Variants in PAK2 observed in about 807,000 individuals in gnomAD.
PAK2 encodes the protein serine/threonine-protein kinase PAK 2.
In PAK2, 21 loss-of-function variants were observed where a neutral mutation model predicts 65.9. The observed-to-expected ratio is 0.32, with a 90% CI of 0.23 to 0.46. The LOEUF (loss-of-function observed/expected upper bound fraction) is 0.46, where lower values mean the gene tolerates loss of function less well. PAK2 is among the 20% of genes least tolerant of loss of function. The probability of loss-of-function intolerance (pLI) is 1.00; values close to 1 mark genes in which losing one functional copy is unlikely to be tolerated. For synonymous variants in PAK2, 204 were observed against 219.7 expected (o/e 0.93, Z 0.63); for missense variants, 324 against 642.6 (o/e 0.50, Z 5.36).
At chr3:196,779,112 T>C (rs547389320) in intron 1 of PAK2, among the ~76,000 whole-genome samples, 32 of 152,326 alleles carry the variant, frequency 2.1e-4, no homozygotes, top group African/African-American at 7.7e-4. Context: ...AGGATTAAGC[T>C]GAAACTCCTA....
At chr3:196,805,407 G>A (rs765912039) in intron 5 of PAK2, 24 bp downstream of exon 5, 1 of 1,167,044 alleles carries the variant, frequency 8.6e-7, no homozygotes, top group African/African-American at 1.6e-5. Context: ...ATTATTTCTT[G>A]TATCTCTTGT....
intron 1 of PAK2, among the ~76,000 whole-genome samples, chr3:196,742,929 G>A (rs990468783): frequency 1.3e-5 from 2 of 151,800 alleles, no homozygotes; most frequent in African/African-American, 2.4e-5. Context: ...CATTAAAAAA[G>A]AAAAAGAAAA....
At position 196,806,573 on chromosome 3, in the gene PAK2, A is replaced by G. The variant is rs1409913055; in HGVS notation, c.469-6A>G. 9 of 1,569,194 alleles carry G rather than the reference A, an allele frequency of 5.7e-6. No homozygotes were observed. The highest frequency in any genetic ancestry group is 1.3e-5 in the African/African-American group (1 of 74,102). The stretch of plus-strand genomic sequence containing the variant: ...GTTTTCCTTACTTTGCTCATCATCA[A>G]TGCAGCTGAATGCCAAGGGAACAGA... On this transcript the variant is annotated splice_polypyrimidine_tract_variant and splice_region_variant and intron_variant, in intron 5 of 14. Transcript: ENST00000327134.
At chr3:196,766,186 T>C (rs560994513) in intron 1 of PAK2, among the ~76,000 whole-genome samples, 1 of 152,270 alleles carries the variant, frequency 6.6e-6, no homozygotes, top group Non-Finnish European at 1.5e-5. Flanking sequence ...TGAGCCACCA[T>C]GCCTGGCCTC....
At chr3:196,779,549 T>C (rs1032686316) in intron 1 of PAK2, among the ~76,000 whole-genome samples, 1 of 152,216 alleles carries the variant, frequency 6.6e-6, no homozygotes, top group African/African-American at 2.4e-5. Flanking sequence ...AACATGCAGC[T>C]GATTTATTAT....
At chr3:196,797,773 G>A (rs528669386) in intron 2 of PAK2, among the ~76,000 whole-genome samples, 1 of 151,604 alleles carries the variant, frequency 6.6e-6, no homozygotes, top group South Asian at 2.1e-4. Context: ...AATAAATAAA[G>A]GATTTAAATT....
At chr3:196,789,549 G>C (rs1049862786) in intron 2 of PAK2, among the ~76,000 whole-genome samples, 1 of 151,480 alleles carries the variant, frequency 6.6e-6, no homozygotes, top group African/African-American at 2.4e-5. Flanking sequence ...TGCAACCTCC[G>C]CCTCCTGGGT....
At chr3:196,752,803 G>T (rs1336416951) in intron 1 of PAK2, among the ~76,000 whole-genome samples, 1 of 151,318 alleles carries the variant, frequency 6.6e-6, no homozygotes, top group African/African-American at 2.4e-5. Flanking sequence ...GTTTTGTCGT[G>T]TTGGTCTCAA....
chr3:196,752,643 A>G (rs1713640744), intron 1 of PAK2, among the ~76,000 whole-genome samples: 1 of 152,156 alleles, frequency 6.6e-6, no homozygotes, highest in Admixed American at 6.6e-5. Flanking sequence ...TCTGTTGCCC[A>G]GGCTGGAGTG....
chr3:196,819,577 G>A (rs978330822), intron 12 of PAK2, among the ~76,000 whole-genome samples: 7 of 152,140 alleles, frequency 4.6e-5, no homozygotes, highest in Non-Finnish European at 1.0e-4. Flanking sequence ...TATTATTCAT[G>A]CATATGTACA....
chr3:196,746,506 T>C (rs759195179), intron 1 of PAK2, among the ~76,000 whole-genome samples: 1 of 152,180 alleles, frequency 6.6e-6, no homozygotes, highest in Non-Finnish European at 1.5e-5. Context: ...GAGAATCTCA[T>C]ATAAATTTAG....
chr3:196,773,787 G>A (rs1714450013), intron 1 of PAK2, among the ~76,000 whole-genome samples: 1 of 152,020 alleles, frequency 6.6e-6, no homozygotes, highest in African/African-American at 2.4e-5. Context: ...CAGGAGAATT[G>A]CTTGAATCCA....
chr3:196,779,342 C>T lies in PAK2; in HGVS notation c.-21-3284C>T, dbSNP rs116512677. ...TGTGTCCCTTTGGCATTTCCTCATCCTTTTAAAGTGCTCCCTTGCCTTCTG... is the reference window on the plus strand; with the variant it reads ...TGTGTCCCTTTGGCATTTCCTCATCTTTTTAAAGTGCTCCCTTGCCTTCTG... On this transcript the variant is annotated intron_variant, in intron 1 of 14. Coordinates refer to ENST00000327134, the MANE Select transcript of PAK2 (RefSeq NM_002577.4). Among the ~76,000 whole-genome samples, 656 of 152,260 alleles carry T rather than the reference C, an allele frequency of 4.3e-3. 3 individuals are homozygous for T. The highest frequency in any genetic ancestry group is 0.02 in the Middle Eastern group (6 of 294).
At chr3:196,750,818 T>C (rs147336746) in intron 1 of PAK2, among the ~76,000 whole-genome samples, 2 of 152,282 alleles carry the variant, frequency 1.3e-5, no homozygotes, top group East Asian at 3.9e-4. Context: ...GTTTCTGTTA[T>C]TTTATTTAAT....
At chr3:196,826,529 T>C (rs190710766) in intron 13 of PAK2, among the ~76,000 whole-genome samples, 1 of 152,220 alleles carries the variant, frequency 6.6e-6, no homozygotes, top group African/African-American at 2.4e-5. Context: ...TCATTTTTTT[T>C]AATGATATGT....
chr3:196,793,030 C>T (rs1388858245), intron 2 of PAK2, among the ~76,000 whole-genome samples: 1 of 152,098 alleles, frequency 6.6e-6, no homozygotes, highest in African/African-American at 2.4e-5. Context: ...TTTAGAGGCA[C>T]ACGACACTGT....
At chr3:196,821,151 T>C (rs1711636222) in intron 13 of PAK2, among the ~76,000 whole-genome samples, 1 of 152,112 alleles carries the variant, frequency 6.6e-6, no homozygotes, top group African/African-American at 2.4e-5. Context: ...ACTTCTCTTT[T>C]TTTTAAATTA....
At position 196,772,049 on chromosome 3, in the gene PAK2, G is replaced by C. The variant is rs191909502; in HGVS notation, c.-21-10577G>C. On this transcript the variant is annotated intron_variant, in intron 1 of 14. Coordinates refer to ENST00000327134, the MANE Select transcript of PAK2 (RefSeq NM_002577.4). Reference sequence around the variant, plus strand: ...TCTATTCTGCTTTTATTTTCAAGCTGCTTCTATGTGTCCTTTGACACAGCA... The same window carrying C: ...TCTATTCTGCTTTTATTTTCAAGCTCCTTCTATGTGTCCTTTGACACAGCA... Among the ~76,000 whole-genome samples the C allele has an allele frequency of 4.9e-3, 753 of 152,220 alleles. 1 individual carries two copies. Among genetic ancestry groups the C allele is most frequent in the African/African-American group, 0.017 (714 of 41,500 alleles).
At chr3:196,773,999 C>T (rs1714456972) in intron 1 of PAK2, among the ~76,000 whole-genome samples, 3 of 152,202 alleles carry the variant, frequency 2.0e-5, no homozygotes, top group African/African-American at 7.2e-5. Flanking sequence ...CGCCACTGCA[C>T]TCCAGCCTGG....
Sources: gnomAD v4.1 joint callset for allele counts (sites outside exome capture counted in the v4.1 genomes callset) on GRCh38, gnomAD v4.1.1 for gene constraint, MANE v1.5 for transcripts, NCBI Gene and HGNC (gene_info 2026-07-23, HGNC 2026-07-21) for gene names.